Variants in CHSY3 observed in about 807,000 individuals in gnomAD.
CHSY3 encodes the protein chondroitin sulfate synthase 3.
Under a neutral mutation model 67.2 loss-of-function variants are expected in CHSY3, and 35 were observed. The ratio of observed to expected loss-of-function variants is 0.52; its 90% confidence interval spans 0.40 to 0.69. The LOEUF (loss-of-function observed/expected upper bound fraction) is 0.69, where lower values mean the gene tolerates loss of function less well. Ranked by LOEUF, CHSY3 falls within the 30% of genes least tolerant of loss-of-function variation. The probability of loss-of-function intolerance (pLI) is 0.00; values close to 1 mark genes in which losing one functional copy is unlikely to be tolerated. For missense variants in CHSY3, 1,069 were observed against 1,138.5 expected (o/e 0.94, Z 0.88); for synonymous variants, 474 against 434.7 (o/e 1.09, Z -1.12).
chr5:130,032,605 A>G (rs1337383118), intron 2 of CHSY3, among the ~76,000 whole-genome samples: 2 of 152,074 alleles, frequency 1.3e-5, no homozygotes, highest in Non-Finnish European at 1.5e-5. Context: ...CCTTCCCAGG[A>G]GTTCTACCCG....
chr5:129,989,648 T>C (rs1763303536), intron 2 of CHSY3, among the ~76,000 whole-genome samples: 1 of 152,162 alleles, frequency 6.6e-6, no homozygotes, highest in Non-Finnish European at 1.5e-5. Flanking sequence ...TGACAAGTGG[T>C]TGCTTAAAAA....
chr5:130,150,473 A>C (rs560455495), intron 2 of CHSY3, among the ~76,000 whole-genome samples: 1 of 152,170 alleles, frequency 6.6e-6, no homozygotes, highest in African/African-American at 2.4e-5. Context: ...TGTAAATAGA[A>C]ATAATATTGT....
intron 2 of CHSY3, among the ~76,000 whole-genome samples, chr5:129,938,937 A>T (rs1322165114): frequency 6.6e-6 from 1 of 152,182 alleles, no homozygotes; most frequent in Non-Finnish European, 1.5e-5. Context: ...GCAATGCTCC[A>T]ATACTCTGGT....
intron 2 of CHSY3, among the ~76,000 whole-genome samples, chr5:129,949,345 T>C (rs1169425098): frequency 1.3e-5 from 2 of 152,114 alleles, no homozygotes; most frequent in African/African-American, 4.8e-5. Context: ...CCTGGAAACC[T>C]AGAAATAATG....
At chr5:130,174,814 A>C (rs1379874512) in intron 2 of CHSY3, among the ~76,000 whole-genome samples, 1 of 152,160 alleles carries the variant, frequency 6.6e-6, no homozygotes, top group Non-Finnish European at 1.5e-5. Context: ...CTGAGGCACA[A>C]AAAGTTAAAG....
chr5:130,031,855 T>G (rs1764711867), intron 2 of CHSY3, among the ~76,000 whole-genome samples: 1 of 152,154 alleles, frequency 6.6e-6, no homozygotes, highest in Non-Finnish European at 1.5e-5. Context: ...GTTTTAAAAA[T>G]AAATAATTTC....
chr5:130,026,453 A>G (rs1421764919), intron 2 of CHSY3, among the ~76,000 whole-genome samples: 1 of 152,062 alleles, frequency 6.6e-6, no homozygotes, highest in African/African-American at 2.4e-5. Flanking sequence ...GATTTCCTTC[A>G]ATAGAATTCA....
chr5:129,943,374 T>TA (rs1761753757), intron 2 of CHSY3, among the ~76,000 whole-genome samples: 1 of 152,254 alleles, frequency 6.6e-6, no homozygotes, highest in Admixed American at 6.5e-5. Context: ...TGCAATACTC[T>TA]AAATAAATTG....
intron 2 of CHSY3, among the ~76,000 whole-genome samples, chr5:130,169,468 T>C (rs2149731937): frequency 6.6e-6 from 1 of 152,170 alleles, no homozygotes; most frequent in African/African-American, 2.4e-5. Flanking sequence ...GAAGCATAAA[T>C]GATGATCACT....
chr5:129,913,351 T>C (rs1214629322), intron 2 of CHSY3, among the ~76,000 whole-genome samples: 1 of 152,248 alleles, frequency 6.6e-6, no homozygotes, highest in Non-Finnish European at 1.5e-5. Context: ...TGAAGTGATT[T>C]TCCAGTGAGA....
At chr5:130,145,906 T>A (rs756877316) in intron 2 of CHSY3, among the ~76,000 whole-genome samples, 183 of 152,246 alleles carry the variant, frequency 1.2e-3, no homozygotes, top group Admixed American at 3.9e-4. Context: ...AATGAGATAC[T>A]ATCTCATTCC....
intron 2 of CHSY3, among the ~76,000 whole-genome samples, chr5:130,113,641 C>T (rs187344734): frequency 6.6e-6 from 1 of 152,210 alleles, no homozygotes; most frequent in Non-Finnish European, 1.5e-5. Context: ...TATTACAAGG[C>T]CCAGTCTCTC....
At chr5:130,055,953 A>T (rs1765519008) in intron 2 of CHSY3, among the ~76,000 whole-genome samples, 1 of 152,106 alleles carries the variant, frequency 6.6e-6, no homozygotes, top group Admixed American at 6.6e-5. Flanking sequence ...TTGGAGGGGG[A>T]TAAGAATTGA....
At chr5:130,021,619 T>C (rs1246922928) in intron 2 of CHSY3, among the ~76,000 whole-genome samples, 4 of 152,090 alleles carry the variant, frequency 2.6e-5, no homozygotes, top group East Asian at 1.9e-4. Flanking sequence ...ACAAACATCA[T>C]AAAAGTTTAT....
intron 2 of CHSY3, among the ~76,000 whole-genome samples, chr5:130,169,111 T>C (rs891840153): frequency 6.6e-6 from 1 of 152,164 alleles, no homozygotes; most frequent in African/African-American, 2.4e-5. Context: ...GACATCTTTC[T>C]CATGGTTTCC....
intron 2 of CHSY3, among the ~76,000 whole-genome samples, chr5:130,107,356 C>T (rs1265483810): frequency 6.6e-6 from 1 of 151,236 alleles, no homozygotes; most frequent in Non-Finnish European, 1.5e-5. Flanking sequence ...CCACATTACT[C>T]AGCAAAAGAG....
At chr5:129,938,956 T>G (rs1168089365) in intron 2 of CHSY3, among the ~76,000 whole-genome samples, 3 of 152,180 alleles carry the variant, frequency 2.0e-5, no homozygotes, top group Non-Finnish European at 4.4e-5. Context: ...GTACCAATTT[T>G]CTGTATTAGT....
At chr5:130,066,375 G>A (rs1243915785) in intron 2 of CHSY3, among the ~76,000 whole-genome samples, 1 of 151,996 alleles carries the variant, frequency 6.6e-6, no homozygotes, top group Non-Finnish European at 1.5e-5. Context: ...AATACTATGA[G>A]AACTAAGGAG....
At chr5:130,160,894 TA>T (rs1390576760) in intron 2 of CHSY3, among the ~76,000 whole-genome samples, 19 of 139,274 alleles carry the variant, frequency 1.4e-4, no homozygotes, top group African/African-American at 4.8e-4. Context: ...TTTATTTATT[TA>T]TTTTTTTTTT....
Sources: allele counts gnomAD v4.1 joint callset (sites outside exome capture counted in the v4.1 genomes callset), GRCh38; gene constraint gnomAD v4.1.1; transcripts MANE v1.5; gene names NCBI Gene and HGNC (gene_info 2026-07-23, HGNC 2026-07-21).